The following GRID1 variants were observed in gnomAD, a reference collection of about 807,000 sequenced individuals.
GRID1 encodes the protein glutamate receptor ionotropic, delta-1.
In GRID1, 28 loss-of-function variants were observed where a neutral mutation model predicts 98.0. The observed-to-expected ratio is 0.29, with a 90% CI of 0.21 to 0.39. The LOEUF (loss-of-function observed/expected upper bound fraction) is 0.39, where lower values mean the gene tolerates loss of function less well. Among genes scored for constraint, GRID1 ranks in the 10% least tolerant of loss-of-function variants. The pLI is 1.00. For missense variants in GRID1, 1,111 were observed against 1,340.5 expected (o/e 0.83, Z 2.67); for synonymous variants, 553 against 538.5 (o/e 1.03, Z -0.37).
At chr10:85,746,648 T>G (rs1316834486) in intron 8 of GRID1, among the ~76,000 whole-genome samples, 1 of 152,120 alleles carries the variant, frequency 6.6e-6, no homozygotes, top group African/African-American at 2.4e-5. Context: ...GTAGATGTCC[T>G]GGAAGATAGT....
At chr10:85,660,613 G>A (rs1464068826) in intron 12 of GRID1, among the ~76,000 whole-genome samples, 2 of 151,940 alleles carry the variant, frequency 1.3e-5, no homozygotes, top group African/African-American at 2.4e-5. Context: ...AGTGGATCAT[G>A]AGCAGAGCTG....
intron 5 of GRID1, among the ~76,000 whole-genome samples, chr10:85,875,052 G>C (rs1313958023): frequency 1.3e-5 from 2 of 151,934 alleles, no homozygotes; most frequent in Non-Finnish European, 2.9e-5. Context: ...TATTTTGTTT[G>C]TATTTTTAGT....
At chr10:85,979,861 A>G (rs1205740248) in intron 4 of GRID1, among the ~76,000 whole-genome samples, 2 of 152,242 alleles carry the variant, frequency 1.3e-5, no homozygotes, top group Non-Finnish European at 2.9e-5. Flanking sequence ...GCCTACTCCA[A>G]GTTACCTTCA....
intron 2 of GRID1, among the ~76,000 whole-genome samples, chr10:86,210,316 T>C (rs2132022422): frequency 6.6e-6 from 1 of 152,284 alleles, no homozygotes; most frequent in South Asian, 2.1e-4. Context: ...AAGCATTCAT[T>C]CACCCAAGTT....
At chr10:85,810,021 C>T (rs1337176696) in intron 8 of GRID1, among the ~76,000 whole-genome samples, 4 of 152,198 alleles carry the variant, frequency 2.6e-5, no homozygotes, top group African/African-American at 9.6e-5. Context: ...ACCCAAGCTG[C>T]TGGGGTGTGG....
intron 5 of GRID1, among the ~76,000 whole-genome samples, chr10:85,880,963 T>C (rs1278627401): frequency 6.6e-6 from 1 of 152,156 alleles, no homozygotes; most frequent in Admixed American, 6.6e-5. Context: ...ATCACAAGCA[T>C]TCTTATACAC....
At chr10:85,632,749 G>A (rs1349338473) in intron 13 of GRID1, among the ~76,000 whole-genome samples, 1 of 152,118 alleles carries the variant, frequency 6.6e-6, no homozygotes, top group East Asian at 1.9e-4. Context: ...TTGAAGGTGT[G>A]GGATACATGT....
Position 86,138,748 on chromosome 10 carries a change from A to G in GRID1, c.726+71T>C, listed in dbSNP as rs115728710. On this transcript the variant is annotated intron_variant, in intron 4 of 15. Transcript: ENST00000327946. ...CATGCGTAAGACGACTGTGCCCTGC[A>G]GCCCACCTGAACCATCTTCTGCAGA... 2,287 of 1,258,210 alleles carry G rather than the reference A, an allele frequency of 1.8e-3. 40 individuals carry two copies. The African/African-American group carries it at 0.029, about 16-fold the overall frequency. The allele number at this position is 1,258,210 out of a possible 1,614,324, so 77.9% of individuals were successfully genotyped here.
At chr10:85,764,717 C>G (rs944412238) in intron 8 of GRID1, among the ~76,000 whole-genome samples, 3 of 152,200 alleles carry the variant, frequency 2.0e-5, no homozygotes, top group African/African-American at 7.2e-5. Context: ...CTTCATGTCA[C>G]TCTCAAAAAA....
chr10:86,319,112 G>A (rs1185760481), intron 2 of GRID1, among the ~76,000 whole-genome samples: 4 of 152,132 alleles, frequency 2.6e-5, no homozygotes, highest in Non-Finnish European at 5.9e-5. Context: ...CCATACCTGG[G>A]GTGCTGCAGG....
At chr10:85,676,980 A>C (rs1187113211) in intron 12 of GRID1, among the ~76,000 whole-genome samples, 1 of 152,126 alleles carries the variant, frequency 6.6e-6, no homozygotes, top group Admixed American at 6.5e-5. Flanking sequence ...AGAAAACCTG[A>C]CCCTACAGTG....
chr10:86,356,941 T>C (rs1848541026), intron 2 of GRID1, among the ~76,000 whole-genome samples: 1 of 152,158 alleles, frequency 6.6e-6, no homozygotes, highest in Admixed American at 6.5e-5. Flanking sequence ...AGCTAGAGGA[T>C]TTCAACCTCG....
At chr10:85,670,719 G>A (rs1841075551) in intron 12 of GRID1, among the ~76,000 whole-genome samples, 1 of 152,076 alleles carries the variant, frequency 6.6e-6, no homozygotes, top group Non-Finnish European at 1.5e-5. Context: ...CTTGCTGGGT[G>A]GGTCACTAGA....
chr10:85,607,067 T>A (rs1468591378), intron 15 of GRID1: 1 of 152,224 alleles, frequency 6.6e-6, no homozygotes, highest in African/African-American at 2.4e-5. Flanking sequence ...CAGCTCTGCG[T>A]TTCTCATCCC....
At chr10:85,860,864 T>A (rs1230674436) in intron 6 of GRID1, among the ~76,000 whole-genome samples, 3 of 152,134 alleles carry the variant, frequency 2.0e-5, no homozygotes, top group African/African-American at 7.2e-5. Context: ...TTGATAACAA[T>A]AAAATACAGT....
chr10:85,915,606 GCA>G (rs1036929749), intron 5 of GRID1, among the ~76,000 whole-genome samples: 5 of 151,010 alleles, frequency 3.3e-5, no homozygotes, highest in African/African-American at 4.9e-5. Flanking sequence ...ACACACACCT[GCA>G]CACACACATC....
At chr10:85,779,546 G>A (rs760519713) in intron 8 of GRID1, among the ~76,000 whole-genome samples, 6 of 151,852 alleles carry the variant, frequency 4.0e-5, no homozygotes, top group African/African-American at 9.7e-5. Context: ...AATCAGAAAG[G>A]ACAGGCTCAA....
At chr10:86,249,600 T>C (rs1214935797) in intron 2 of GRID1, among the ~76,000 whole-genome samples, 1 of 152,006 alleles carries the variant, frequency 6.6e-6, no homozygotes, top group Non-Finnish European at 1.5e-5. Context: ...CTCACCTCCA[T>C]TTCTACCCCC....
At chr10:86,097,669 C>G (rs1184534777) in intron 4 of GRID1, among the ~76,000 whole-genome samples, 1 of 151,858 alleles carries the variant, frequency 6.6e-6, no homozygotes, top group Admixed American at 6.6e-5. Context: ...AAAATGCATA[C>G]TATAACACAA....
Sources: allele counts gnomAD v4.1 joint callset (sites outside exome capture counted in the v4.1 genomes callset), GRCh38; gene constraint gnomAD v4.1.1; transcripts MANE v1.5; gene names NCBI Gene and HGNC (gene_info 2026-07-23, HGNC 2026-07-21).